The following ABCD2 variants were observed in gnomAD, a reference collection of about 807,000 sequenced individuals.
The protein encoded by ABCD2 is ATP binding cassette subfamily D member 2.
In ABCD2, 36 loss-of-function variants were observed where a neutral mutation model predicts 70.9. That is an observed-to-expected ratio of 0.51 (90% confidence interval 0.39 to 0.67). The LOEUF (loss-of-function observed/expected upper bound fraction) is 0.67, where lower values mean the gene tolerates loss of function less well. Ranked by LOEUF, ABCD2 falls within the 30% of genes least tolerant of loss-of-function variation. ABCD2 has a pLI of 0.00. For synonymous variants in ABCD2, 304 were observed against 306.9 expected (o/e 0.99, Z 0.10); for missense variants, 729 against 890.2 (o/e 0.82, Z 2.30).
rs112374989 is a variant in ABCD2 at position 39,573,878 on chromosome 12, T to C, written c.1878-37A>G. 3.6e-4 allele frequency: 573 copies of C among 1,584,554 alleles called. 3 individuals carry two copies. The African/African-American group carries it at 6.7e-3, about 19-fold the overall frequency. On this transcript the variant is annotated intron_variant, in intron 8 of 9. Coordinates refer to ENST00000308666, the MANE Select transcript of ABCD2 (RefSeq NM_005164.4). ...TACACACAAAAATTAATTATTTTGC[T>C]ATATGAACTATAAGTTTTTCTTTGG...
chr12:39,548,903 C>G (rs1222811046), downstream of ABCD2, among the ~76,000 whole-genome samples: 2 of 151,828 alleles, frequency 1.3e-5, no homozygotes, highest in Non-Finnish European at 2.9e-5. Flanking sequence ...GTCACAAGTA[C>G]TGAGACAAAT....
chr12:39,567,089 T>C (rs745689588), intron 9 of ABCD2, among the ~76,000 whole-genome samples: 2 of 152,104 alleles, frequency 1.3e-5, no homozygotes, highest in African/African-American at 2.4e-5. Flanking sequence ...GTGTGGTGCT[T>C]AGAAGAATGT....
At chr12:39,613,179 G>A (rs1459467306) in intron 2 of ABCD2, among the ~76,000 whole-genome samples, 4 of 88,650 alleles carry the variant, frequency 4.5e-5, no homozygotes, top group Non-Finnish European at 8.5e-5. Context: ...GAGGTCAGGA[G>A]ATCGAGACCA....
rs1942169547 is a variant in ABCD2, at chr12:39,619,726, G to A, written c.-111C>T. 2.1e-6 allele frequency: 2 copies of A among 938,350 alleles called. No homozygotes were observed. The highest frequency in any genetic ancestry group is 2.8e-5 in the Admixed American group (1 of 35,550). The allele number at this position is 938,350 out of a possible 1,614,324, so 58.1% of individuals were successfully genotyped here. On this transcript the variant is annotated 5_prime_UTR_variant, in exon 1 of 10. Coordinates refer to ENST00000308666, the MANE Select transcript of ABCD2 (RefSeq NM_005164.4). ...GTCCTACAGCGTCCCATAGTCTGCA[G>A]CGTTTCTCTTCCACTGTTGTGTTTT...
intron 9 of ABCD2, among the ~76,000 whole-genome samples, chr12:39,557,224 T>C (rs1206056359): frequency 6.6e-6 from 1 of 152,148 alleles, no homozygotes; most frequent in South Asian, 2.1e-4. Context: ...AAGCTGACTC[T>C]TGCTATGTTT....
chr12:39,609,816 C>G (rs1159908332), intron 2 of ABCD2, among the ~76,000 whole-genome samples: 1 of 152,036 alleles, frequency 6.6e-6, no homozygotes, highest in Non-Finnish European at 1.5e-5. Flanking sequence ...GATACCTGCA[C>G]AATATGAGGT....
intron 9 of ABCD2, among the ~76,000 whole-genome samples, chr12:39,566,803 T>C (rs1460900920): frequency 6.6e-6 from 1 of 152,236 alleles, no homozygotes; most frequent in Admixed American, 6.5e-5. Context: ...CTGCTTTGAA[T>C]GTGTCCCAGA....
At position 39,553,687 on chromosome 12, in the gene ABCD2, C is replaced by T. The variant is rs1040159369; in HGVS notation, c.*225G>A. On this transcript the variant is annotated 3_prime_UTR_variant, in exon 10 of 10. Coordinates refer to ENST00000308666, the MANE Select transcript of ABCD2 (RefSeq NM_005164.4). ...AATCCTGTTTTACAAGTGCATTAGG[C>T]CTTCACTAGGAATTAGTATAAGTCA... 2.1e-6 allele frequency: 1 copy of T among 474,768 alleles called. No individual in the cohort carries two copies. Among genetic ancestry groups the T allele is most frequent in the African/African-American group, 2.0e-5 (1 of 50,478 alleles). 29.4% of individuals were successfully genotyped at this position (474,768 alleles called of 1,614,324 possible). A position where few individuals can be genotyped will look rare whatever the true frequency, so the allele number is the denominator to read the frequency against.
At chr12:39,548,578 G>T (rs768046406), downstream of ABCD2, among the ~76,000 whole-genome samples, 1 of 151,842 alleles carries the variant, frequency 6.6e-6, no homozygotes, top group Non-Finnish European at 1.5e-5. Context: ...GCTGTCACCT[G>T]ATTATAAGAC....
At chr12:39,571,887 A>T (rs2120588306) in intron 9 of ABCD2, among the ~76,000 whole-genome samples, 2 of 152,288 alleles carry the variant, frequency 1.3e-5, no homozygotes, top group East Asian at 3.9e-4. Flanking sequence ...TTATGGGAAA[A>T]ATATGACACA....
chr12:39,590,368 G>A (rs1941729898), intron 6 of ABCD2, among the ~76,000 whole-genome samples: 1 of 152,020 alleles, frequency 6.6e-6, no homozygotes, highest in African/African-American at 2.4e-5. Context: ...CAAAAGAAAT[G>A]GTCAGATTGC....
At chr12:39,537,819 C>T in the ABCD2 span, among the ~76,000 whole-genome samples, 1 of 152,146 alleles carries the variant, frequency 6.6e-6, no homozygotes, top group Non-Finnish European at 1.5e-5. Context: ...GAGCTGACCA[C>T]GAACTGGTAA....
chr12:39,603,259 G>A (rs55988438), intron 5 of ABCD2, among the ~76,000 whole-genome samples: 3,257 of 152,184 alleles, frequency 0.021, 49 homozygotes, highest in Middle Eastern at 0.058. Context: ...GCTATATTAT[G>A]TCATTAATGC....
intron 6 of ABCD2, among the ~76,000 whole-genome samples, chr12:39,590,117 G>T (rs1285567961): frequency 1.3e-5 from 2 of 152,124 alleles, no homozygotes; most frequent in Admixed American, 1.3e-4. Context: ...TCTCTTTCCA[G>T]CTCAAAGTTC....
At chr12:39,567,962 C>T (rs1219338959) in intron 9 of ABCD2, among the ~76,000 whole-genome samples, 1 of 151,956 alleles carries the variant, frequency 6.6e-6, no homozygotes, top group Non-Finnish European at 1.5e-5. Flanking sequence ...CCCCCACTCT[C>T]TTCTGGCTTG....
intron 6 of ABCD2, among the ~76,000 whole-genome samples, chr12:39,587,223 A>G (rs1205573762): frequency 6.6e-6 from 1 of 152,212 alleles, no homozygotes; most frequent in Non-Finnish European, 1.5e-5. Flanking sequence ...AGCAGCTGTA[A>G]TAAAAGGATG....
intron 8 of ABCD2, among the ~76,000 whole-genome samples, chr12:39,574,482 A>T (rs561834438): frequency 5.3e-5 from 8 of 152,216 alleles, no homozygotes; most frequent in African/African-American, 1.7e-4. Context: ...TACTTTGATA[A>T]TGCCTGTCTG....
intron 9 of ABCD2, among the ~76,000 whole-genome samples, chr12:39,563,501 A>G (rs373658850): frequency 6.6e-5 from 10 of 152,200 alleles, no homozygotes; most frequent in African/African-American, 2.2e-4. Context: ...TGAAAGTCCT[A>G]CCCAGAGCAA....
At chr12:39,534,423 T>C in the ABCD2 span, among the ~76,000 whole-genome samples, 2 of 152,186 alleles carry the variant, frequency 1.3e-5, no homozygotes, top group Non-Finnish European at 2.9e-5. Context: ...TTTCTCTGCC[T>C]GTAAAAATTG....
Sources: gnomAD v4.1 joint callset for allele counts (sites outside exome capture counted in the v4.1 genomes callset) on GRCh38, gnomAD v4.1.1 for gene constraint, MANE v1.5 for transcripts, NCBI Gene and HGNC (gene_info 2026-07-23, HGNC 2026-07-21) for gene names.